Variants in ZMIZ2 observed in about 807,000 individuals in gnomAD.
ZMIZ2 encodes zinc finger MIZ-type containing 2, also known as zinc finger MIZ domain-containing protein 2.
ZMIZ2 carries 26 observed loss-of-function variants against 93.9 expected under a neutral mutation model. That is an observed-to-expected ratio of 0.28 (90% CI 0.20 to 0.38). The LOEUF (loss-of-function observed/expected upper bound fraction) is 0.38. Ranked by LOEUF, ZMIZ2 falls within the 10% of genes least tolerant of loss-of-function variation. The pLI, the probability that ZMIZ2 is intolerant of heterozygous loss-of-function variation, is 1.00. For synonymous variants in ZMIZ2, 485 were observed against 516.4 expected, an observed-to-expected ratio of 0.94 and a Z score of 0.82; for missense variants, 1,023 against 1,235.0, an observed-to-expected ratio of 0.83 and a Z score of 2.57.
Position 44,767,521 on chromosome 7 carries a change from C to T in ZMIZ2, c.2661C>T (p.Leu887=). The change falls in exon 19 of 19, where the codon CTC becomes CTT. Residue 887 remains leucine, a synonymous_variant. Transcript: ENST00000309315. Reference sequence around the variant, plus strand: ...AGAGTTCACTTTGTCCTCAGCTGCTCCCGGAACTGACCAACCCTGATGAGC... The same window carrying T: ...AGAGTTCACTTTGTCCTCAGCTGCTTCCGGAACTGACCAACCCTGATGAGC... ...GEAPEPALDL[L]PELTNPDELL... 1.9e-6 allele frequency: 3 copies of T among 1,614,090 alleles called. No homozygotes were observed. Among genetic ancestry groups the T allele is most frequent in the Non-Finnish European group, 2.5e-6 (3 of 1,179,966 alleles).
intron 1 of ZMIZ2, among the ~76,000 whole-genome samples, chr7:44,754,503 C>T (rs1036590362): frequency 6.6e-5 from 10 of 152,180 alleles, no homozygotes; most frequent in African/African-American, 2.2e-4. Context: ...AGGCCACATG[C>T]TTAGACTCCC....
chr7:44,757,193 A>G (rs752716034), intron 4 of ZMIZ2, 44 bp downstream of exon 4: 5 of 1,556,610 alleles, frequency 3.2e-6, no homozygotes, highest in South Asian at 1.2e-5. Flanking sequence ...GGAGCCATCA[A>G]TCTGGCAGGC....
At chr7:44,753,321 C>T (rs1001691353) in intron 1 of ZMIZ2, among the ~76,000 whole-genome samples, 2 of 151,738 alleles carry the variant, frequency 1.3e-5, no homozygotes, top group African/African-American at 2.4e-5. Flanking sequence ...CATGTCTCAC[C>T]CCAGCCTCCA....
At chr7:44,750,330 C>T (rs962005869) in intron 1 of ZMIZ2, among the ~76,000 whole-genome samples, 2 of 152,216 alleles carry the variant, frequency 1.3e-5, no homozygotes, top group African/African-American at 2.4e-5. Context: ...CACGCTTAGA[C>T]ATTTTAGTAC....
At chr7:44,749,245 G>T (rs997907391) in intron 1 of ZMIZ2, among the ~76,000 whole-genome samples, 4 of 152,284 alleles carry the variant, frequency 2.6e-5, no homozygotes, top group African/African-American at 7.2e-5. Flanking sequence ...GCTCGGCCCC[G>T]TGGGCGTCAG....
At chr7:44,764,817 C>G (rs1427413725) in intron 14 of ZMIZ2, 124 bp from the exon 15 acceptor site, 1 of 970,002 alleles carries the variant, frequency 1.0e-6, no homozygotes, top group Non-Finnish European at 1.6e-6. Context: ...TTACCTTGTT[C>G]AGTTGCCTCA....
In ZMIZ2 at chr7:44,769,191, C is replaced by T. The variant is rs1791974263; in HGVS notation, c.*1568C>T. ...CATTTCCTCCAGTCCTGGGCCCCAT[C>T]CTTGAGGGCCTTCCCAGCCAGCCAG... On this transcript the variant is annotated 3_prime_UTR_variant, in exon 19 of 19. Coordinates refer to ENST00000309315, the MANE Select transcript of ZMIZ2 (RefSeq NM_031449.4). The T allele has an allele frequency of 6.5e-6, 1 of 152,760 alleles. No individual in the cohort carries two copies. Among genetic ancestry groups the T allele is most frequent in the Admixed American group, 6.5e-5 (1 of 15,282 alleles). 9.5% of individuals were successfully genotyped at this position (152,760 alleles called of 1,614,324 possible). A position where few individuals can be genotyped will look rare whatever the true frequency, so the allele number is the denominator to read the frequency against.
Position 44,749,296 on chromosome 7 carries a change from C to T in ZMIZ2, c.-63+305C>T, listed in dbSNP as rs570004181. 7.9e-5 allele frequency among the ~76,000 whole-genome samples: 12 copies of T among 152,204 alleles called. No individual in the cohort carries two copies. The East Asian group carries it at 1.9e-3, about 25-fold the overall frequency. On this transcript the variant is annotated intron_variant, in intron 1 of 18. Coordinates refer to ENST00000309315, the MANE Select transcript of ZMIZ2 (RefSeq NM_031449.4). The stretch of plus-strand genomic sequence containing the variant: ...CCCTGAGTCTTTGTTGGAGGCTGGC[C>T]GAGGGGTGTAAGCGGCGCTCGGGGT...
chr7:44,760,031 T>C lies in ZMIZ2; in HGVS notation c.994-120T>C, dbSNP rs544797609. On this transcript the variant is annotated intron_variant, in intron 7 of 18. Transcript: ENST00000309315. Reference sequence around the variant, plus strand: ...TTTAAGTAGTGTTACTTGTAGATTATTTGGAAAATACAAGAGAGTGTAAAG... The same window carrying C: ...TTTAAGTAGTGTTACTTGTAGATTACTTGGAAAATACAAGAGAGTGTAAAG... 25 of 1,000,224 alleles carry C rather than the reference T, an allele frequency of 2.5e-5. No individual in the cohort carries two copies. The African/African-American group carries it at 3.2e-4, about 13-fold the overall frequency. The allele number at this position is 1,000,224 out of a possible 1,614,324, so 62.0% of individuals were successfully genotyped here.
At chr7:44,759,855 T>A (rs1790990033) in intron 7 of ZMIZ2, 1 of 510,194 alleles carries the variant, frequency 2.0e-6, no homozygotes, top group South Asian at 2.3e-5. Flanking sequence ...CCATGTACCC[T>A]TTCTGGGTGC....
Position 44,761,878 on chromosome 7 carries a change from C to G in ZMIZ2, c.1569C>G (p.Ile523Met). The change falls in exon 11 of 19, where the codon ATC becomes ATG. Residue 523 changes from isoleucine (I) to methionine (M), a missense_variant. Ile to Met is a conservative substitution (Grantham distance 10, BLOSUM62 1). Coordinates refer to ENST00000309315, the MANE Select transcript of ZMIZ2 (RefSeq NM_031449.4). The surrounding 1 kb of genome is among the most constrained non-coding windows in gnomAD (Gnocchi z 5.8). ...TGTGCCAGCCAGGCCGCAACACCAT[C>G]CAGATCACCGTCACCGCCTGCTGCT... ...KHVCQPGRNT[I>M]QITVTACCCS... 1 of 1,613,822 alleles carries G rather than the reference C, an allele frequency of 6.2e-7. No individual in the cohort carries two copies. The highest frequency in any genetic ancestry group is 1.1e-5 in the South Asian group (1 of 91,084).
Position 44,765,434 on chromosome 7 carries a change from A to T in ZMIZ2, c.2097A>T (p.Ala699=). 1 of 1,610,144 alleles carries T rather than the reference A, an allele frequency of 6.2e-7. No homozygotes were observed. Among genetic ancestry groups the T allele is most frequent in the Non-Finnish European group, 8.5e-7 (1 of 1,179,952 alleles). The change falls in exon 16 of 19, where the codon GCA becomes GCT. Residue 699 remains alanine (A), a synonymous_variant. Transcript: ENST00000309315. The surrounding 1 kb of genome is among the most constrained non-coding windows in gnomAD (Gnocchi z 4.1). ...TCAAGGAGGAGCCGGATGGGCCAGCACTGAAGCGCTGCCGCACCGTGAGCC... is the reference window on the plus strand; with the variant it reads ...TCAAGGAGGAGCCGGATGGGCCAGCTCTGAAGCGCTGCCGCACCGTGAGCC... ...MHIKEEPDGP[A]LKRCRTVSPA...
At chr7:44,759,021 G>A (rs1790881861) in intron 6 of ZMIZ2, among the ~76,000 whole-genome samples, 1 of 148,104 alleles carries the variant, frequency 6.8e-6, no homozygotes, top group South Asian at 2.1e-4. Flanking sequence ...GGTGGAGGCT[G>A]CAGTGAGCCA....
rs199813267 is a variant in ZMIZ2 at position 44,766,616 on chromosome 7, C to G, written c.2608C>G (p.Pro870Ala). 1 of 1,613,316 alleles carries G rather than the reference C, an allele frequency of 6.2e-7. No individual in the cohort carries two copies. Among genetic ancestry groups the G allele is most frequent in the Admixed American group, 1.7e-5 (1 of 60,026 alleles). The change falls in exon 18 of 19, where the codon CCC (proline) becomes GCC (alanine). Residue 870 changes from proline to alanine, a missense_variant. Transcript: ENST00000309315. This position sits in a 1 kb window ranked among gnomAD's most constrained non-coding sequence, Gnocchi z 4.4. ...AFSPATGVMGPPSMSGAGEAP... is the reference protein window; with the variant it reads ...AFSPATGVMGAPSMSGAGEAP... ...CAGTCCTGCCACAGGCGTGATGGGG[C>G]CCCCCAGCATGTCTGGAGCCGGGGA... is the stretch of plus-strand genomic sequence containing the variant.
At chr7:44,764,627 G>A (rs767842263) in intron 14 of ZMIZ2, 141 bp downstream of exon 14, 16 of 931,494 alleles carry the variant, frequency 1.7e-5, no homozygotes, top group Admixed American at 1.0e-4. Flanking sequence ...GCAGCTCAGC[G>A]CAGAGAGCTC....
upstream of ZMIZ2, chr7:44,748,693 C>T (rs1163980567): frequency 1.3e-5 from 2 of 151,098 alleles, no homozygotes; most frequent in Non-Finnish European, 3.0e-5. Flanking sequence ...GCCCAGCCAC[C>T]TGCGGCCCTG....
chr7:44,749,068 G>T (rs915672600), intron 1 of ZMIZ2, 77 bp downstream of exon 1: 21 of 152,178 alleles, frequency 1.4e-4, no homozygotes, highest in African/African-American at 4.8e-4. Context: ...AGGCAGGTGC[G>T]GCAGGTGCGG....
rs773523222 is a variant in ZMIZ2 at position 44,761,863 on chromosome 7, A to G, written c.1554A>G (p.Pro518=). 87 of 1,613,962 alleles carry G rather than the reference A, an allele frequency of 5.4e-5. No homozygotes were observed. Among genetic ancestry groups the G allele is most frequent in the South Asian group, 8.8e-5 (8 of 91,082 alleles). Residue 518 remains proline, a synonymous_variant, in exon 11 of 19, where the codon CCA becomes CCG. Coordinates refer to ENST00000309315, the MANE Select transcript of ZMIZ2 (RefSeq NM_031449.4). This position sits in a 1 kb window ranked among gnomAD's most constrained non-coding sequence, Gnocchi z 5.8. ...TCTACCTGAAGCATGTGTGCCAGCC[A>G]GGCCGCAACACCATCCAGATCACCG... is the stretch of plus-strand genomic sequence containing the variant. The part of the protein sequence containing the change: ...KPLYLKHVCQ[P]GRNTIQITVT...
chr7:44,748,837 C>A (rs1789857242), upstream of ZMIZ2: 1 of 149,654 alleles, frequency 6.7e-6, no homozygotes, highest in Non-Finnish European at 1.5e-5. Flanking sequence ...AGCGGCGCGG[C>A]GGCGGCTCCA....
Sources: allele counts gnomAD v4.1 joint callset (sites outside exome capture counted in the v4.1 genomes callset), GRCh38; gene constraint gnomAD v4.1.1; non-coding constraint Gnocchi (gnomAD v3.1); transcripts MANE v1.5; gene names NCBI Gene and HGNC (gene_info 2026-07-23, HGNC 2026-07-21).